SPP2: variants seen among roughly 807,000 people sequenced by gnomAD.
SPP2 encodes the protein secreted phosphoprotein 2.
A neutral mutation model predicts 28.8 loss-of-function variants in SPP2; 34 were observed. The observed-to-expected ratio is 1.18, with a 90% CI of 0.90 to 1.57. SPP2 has a LOEUF of 1.57. Among genes scored for constraint, SPP2 ranks in the 40% most tolerant of loss-of-function variants. SPP2 has a pLI of 0.00. For synonymous variants in SPP2, 96 were observed against 89.4 expected (o/e 1.07, Z -0.42); for missense variants, 269 against 263.9 (o/e 1.02, Z -0.13).
intron 4 of SPP2, among the ~76,000 whole-genome samples, chr2:234,061,182 A>G (rs1693712805): frequency 6.6e-6 from 1 of 152,190 alleles, no homozygotes; most frequent in Non-Finnish European, 1.5e-5. Context: ...TATTAATAAT[A>G]TATACATTTT....
In SPP2 at chr2:234,069,910, TCC is replaced by T; in HGVS notation, c.551-16_551-15del. 6.3e-7 allele frequency: 1 copy of T among 1,596,242 alleles called. No homozygotes were observed. Among genetic ancestry groups the T allele is most frequent in the Non-Finnish European group, 8.6e-7 (1 of 1,164,374 alleles). ...TGATGTGACTGACAGAGCCTATGCTTCCCTTTTCTATCTTTAGGGATCATGAG... is the reference window on the plus strand; with the variant it reads ...TGATGTGACTGACAGAGCCTATGCTTCTTTTCTATCTTTAGGGATCATGAG... On this transcript the variant is annotated splice_polypyrimidine_tract_variant and intron_variant, in intron 6 of 7. Coordinates refer to ENST00000168148, the MANE Select transcript of SPP2 (RefSeq NM_006944.3).
At chr2:234,076,595 T>C (rs1458528887) in intron 7 of SPP2, among the ~76,000 whole-genome samples, 2 of 152,128 alleles carry the variant, frequency 1.3e-5, no homozygotes, top group African/African-American at 4.8e-5. Context: ...CTGGATGGCG[T>C]ATCCTGATCT....
At chr2:234,062,338 G>C (rs1387289260) in intron 4 of SPP2, among the ~76,000 whole-genome samples, 2 of 152,152 alleles carry the variant, frequency 1.3e-5, no homozygotes, top group Admixed American at 6.5e-5. Flanking sequence ...AGGGGGAAGG[G>C]TATTTCAAGC....
intron 2 of SPP2, among the ~76,000 whole-genome samples, chr2:234,054,679 C>A (rs1452378986): frequency 6.6e-6 from 1 of 152,150 alleles, no homozygotes; most frequent in East Asian, 1.9e-4. Context: ...AAAGGCCCAA[C>A]CTCCAAATAT....
At chr2:234,052,980 A>G (rs1451456852) in intron 2 of SPP2, among the ~76,000 whole-genome samples, 4 of 152,234 alleles carry the variant, frequency 2.6e-5, no homozygotes, top group Admixed American at 2.6e-4. Flanking sequence ...GGGATACACT[A>G]AAAGGCAAAG....
intron 7 of SPP2, among the ~76,000 whole-genome samples, chr2:234,071,378 C>T (rs1310375925): frequency 1.3e-5 from 2 of 152,166 alleles, no homozygotes; most frequent in African/African-American, 4.8e-5. Flanking sequence ...GAGGAACAGC[C>T]TATCTGCCCC....
chr2:234,061,263 G>C (rs956981908), intron 4 of SPP2, among the ~76,000 whole-genome samples: 3 of 152,108 alleles, frequency 2.0e-5, no homozygotes, highest in Non-Finnish European at 2.9e-5. Flanking sequence ...TGTCTCATGA[G>C]GGCAGGGAAT....
At chr2:234,061,233 G>A (rs1215470854) in intron 4 of SPP2, among the ~76,000 whole-genome samples, 3 of 152,208 alleles carry the variant, frequency 2.0e-5, no homozygotes, top group Non-Finnish European at 2.9e-5. Flanking sequence ...ATTATTGGCT[G>A]CTTTCCATAC....
At chr2:234,060,771 G>A (rs10178366) in intron 4 of SPP2, among the ~76,000 whole-genome samples, 15 of 150,042 alleles carry the variant, frequency 1.0e-4, no homozygotes, top group Non-Finnish European at 1.5e-4. Context: ...ATGCACACAC[G>A]CACACATACA....
At chr2:234,072,860 T>C (rs1690823255) in intron 7 of SPP2, among the ~76,000 whole-genome samples, 1 of 152,218 alleles carries the variant, frequency 6.6e-6, no homozygotes, top group South Asian at 2.1e-4. Context: ...TTATTACTTT[T>C]TGCTTTTTCT....
intron 6 of SPP2, 63 bp from the exon 7 acceptor site, chr2:234,069,865 G>T: frequency 7.7e-7 from 1 of 1,295,806 alleles, no homozygotes; most frequent in Non-Finnish European, 1.1e-6. Flanking sequence ...TAGTAACATT[G>T]TCCACACTGT....
chr2:234,058,148 T>G (rs1009696556), intron 2 of SPP2, among the ~76,000 whole-genome samples: 6 of 152,204 alleles, frequency 3.9e-5, no homozygotes, highest in African/African-American at 1.4e-4. Flanking sequence ...CCAACAGCAC[T>G]GTGACTCCTG....
intron 2 of SPP2, among the ~76,000 whole-genome samples, chr2:234,051,875 G>A (rs2125448416): frequency 1.3e-5 from 2 of 152,290 alleles, no homozygotes; most frequent in East Asian, 3.9e-4. Context: ...CCAGGCAGCA[G>A]AGGCCAGATG....
chr2:234,071,345 A>G (rs1260014446), intron 7 of SPP2, among the ~76,000 whole-genome samples: 1 of 152,174 alleles, frequency 6.6e-6, no homozygotes, highest in Non-Finnish European at 1.5e-5. Flanking sequence ...GAGGTGGGCA[A>G]CAGCCAGACA....
At chr2:234,055,143 G>A (rs1693580942) in intron 2 of SPP2, among the ~76,000 whole-genome samples, 2 of 66,642 alleles carry the variant, frequency 3.0e-5, no homozygotes, top group Non-Finnish European at 5.9e-5. Context: ...ATGAATATAT[G>A]AGAGAGAGAC....
At chr2:234,064,371 TAGG>T (rs1467328491) in intron 4 of SPP2, among the ~76,000 whole-genome samples, 3 of 152,138 alleles carry the variant, frequency 2.0e-5, no homozygotes, top group African/African-American at 7.2e-5. Flanking sequence ...CCTCTGTACT[TAGG>T]AGGGAAAAGA....
chr2:234,060,308 A>G lies in SPP2; in HGVS notation c.334-61A>G, dbSNP rs2125457249. 4.4e-6 allele frequency: 5 copies of G among 1,127,568 alleles called. No homozygotes were observed. The South Asian group carries it at 5.0e-5, about 11-fold the overall frequency. 69.8% of individuals were successfully genotyped at this position (1,127,568 alleles called of 1,614,324 possible). A position where few individuals can be genotyped will look rare whatever the true frequency, so the allele number is the denominator to read the frequency against. ...GACATTTATTTTCCTGATTTACTCA[A>G]TGGAGGCTATCCCTTTCCACAAACA... is the stretch of plus-strand genomic sequence containing the variant. On this transcript the variant is annotated intron_variant, in intron 3 of 7. Coordinates refer to ENST00000168148, the MANE Select transcript of SPP2 (RefSeq NM_006944.3).
chr2:234,070,117 T>C (rs1219261705), intron 7 of SPP2, 94 bp downstream of exon 7: 9 of 978,792 alleles, frequency 9.2e-6, no homozygotes, highest in Non-Finnish European at 1.4e-5. Flanking sequence ...ATCTGCAATA[T>C]GCTATTCAAA....
At chr2:234,060,083 T>C (rs1311117331) in intron 3 of SPP2, among the ~76,000 whole-genome samples, 3 of 152,230 alleles carry the variant, frequency 2.0e-5, no homozygotes, top group Non-Finnish European at 2.9e-5. Flanking sequence ...CATTTCTTTT[T>C]GTCCGAATGA....
Sources: allele counts gnomAD v4.1 joint callset (sites outside exome capture counted in the v4.1 genomes callset), GRCh38; gene constraint gnomAD v4.1.1; transcripts MANE v1.5; gene names NCBI Gene and HGNC (gene_info 2026-07-23, HGNC 2026-07-21).